SEMA3E: variants seen among roughly 807,000 people sequenced by gnomAD.
The protein encoded by SEMA3E is semaphorin-3E.
A neutral mutation model predicts 93.6 loss-of-function variants in SEMA3E; 49 were observed. The ratio of observed to expected loss-of-function variants is 0.52; its 90% CI spans 0.42 to 0.66. The LOEUF (loss-of-function observed/expected upper bound fraction) is 0.66. Ranked by LOEUF, SEMA3E falls within the 30% of genes least tolerant of loss-of-function variation. The probability of loss-of-function intolerance (pLI) is 0.00; values close to 1 mark genes in which losing one functional copy is unlikely to be tolerated. For missense variants in SEMA3E, 906 were observed against 964.8 expected, an observed-to-expected ratio of 0.94 and a Z score of 0.81; for synonymous variants, 363 against 330.7, an observed-to-expected ratio of 1.10 and a Z score of -1.06.
intron 2 of SEMA3E, among the ~76,000 whole-genome samples, chr7:83,472,545 A>G (rs377021245): frequency 5.9e-5 from 9 of 152,256 alleles, no homozygotes; most frequent in African/African-American, 7.2e-5. Context: ...ACCAGAATGA[A>G]AAAGCTCAGT....
At chr7:83,639,306 T>C (rs1562866147) in intron 1 of SEMA3E, among the ~76,000 whole-genome samples, 2 of 151,892 alleles carry the variant, frequency 1.3e-5, no homozygotes, top group Non-Finnish European at 2.9e-5. Context: ...AAGAAAATTA[T>C]AGTAACATCA....
At chr7:83,470,900 G>T (rs1297213170) in intron 2 of SEMA3E, among the ~76,000 whole-genome samples, 1 of 134,532 alleles carries the variant, frequency 7.4e-6, no homozygotes, top group Admixed American at 8.2e-5. Flanking sequence ...TGGAAAACAT[G>T]TTTATTAACA....
rs201988209 is a variant in SEMA3E, at chr7:83,619,780, GA to G, written c.115+28647del. Among the ~76,000 whole-genome samples, 9 of 148,872 alleles carry G rather than the reference GA, an allele frequency of 6.0e-5. No homozygotes were observed. In the East Asian group the frequency reaches 7.8e-4, roughly 13 times the overall value. On this transcript the variant is annotated intron_variant, in intron 1 of 16. Coordinates refer to ENST00000643230, the MANE Select transcript of SEMA3E (RefSeq NM_012431.3). The stretch of plus-strand genomic sequence containing the variant: ...AGACAAAATGAAAGTACATAAATTA[GA>G]AAAAAAAATGAGTGCTACTGTTGGA...
chr7:83,469,364 C>T (rs1028240183), intron 2 of SEMA3E, 62 bp from the exon 3 acceptor site: 11 of 1,166,612 alleles, frequency 9.4e-6, no homozygotes, highest in Middle Eastern at 2.0e-4. Flanking sequence ...ACACTGAAAA[C>T]CATTTCACTT....
intron 1 of SEMA3E, among the ~76,000 whole-genome samples, chr7:83,563,097 A>T (rs2115841221): frequency 6.6e-6 from 1 of 152,246 alleles, no homozygotes; most frequent in South Asian, 2.1e-4. Flanking sequence ...TCTGCCTCTC[A>T]GTTCAGATTC....
At chr7:83,615,533 G>T (rs1387785603) in intron 1 of SEMA3E, among the ~76,000 whole-genome samples, 1 of 152,090 alleles carries the variant, frequency 6.6e-6, no homozygotes, top group Non-Finnish European at 1.5e-5. Context: ...GGCTGGGGAA[G>T]AAAGATGTTT....
intron 1 of SEMA3E, among the ~76,000 whole-genome samples, chr7:83,511,745 A>T (rs768916604): frequency 6.6e-5 from 10 of 151,972 alleles, no homozygotes; most frequent in Non-Finnish European, 1.3e-4. Context: ...AAGAAAAAAA[A>T]TTGCCCAGGC....
In SEMA3E at chr7:83,368,193, ATCTCTC is replaced by A. The variant is rs5885346; in HGVS notation, c.1876-161_1876-156del. Reference sequence around the variant, plus strand: ...ATACACAAAAATGCTAAATAATTACATCTCTCTCTCTCTCTCTGTGTGTGTGTGTGT... The same window carrying A: ...ATACACAAAAATGCTAAATAATTACATCTCTCTCTCTGTGTGTGTGTGTGT... On this transcript the variant is annotated intron_variant, in intron 16 of 16. Transcript: ENST00000643230. Among the ~76,000 whole-genome samples, 8,746 of 147,726 alleles carry A rather than the reference ATCTCTC, an allele frequency of 0.059. 838 individuals carry two copies. The highest frequency in any genetic ancestry group is 0.2 in the African/African-American group (8,165 of 40,080).
chr7:83,611,005 A>C (rs1554344096), intron 1 of SEMA3E, among the ~76,000 whole-genome samples: 2 of 151,756 alleles, frequency 1.3e-5, no homozygotes, highest in Non-Finnish European at 2.9e-5. Context: ...GAGTTCCCCC[A>C]CCACCATCAA....
intron 1 of SEMA3E, among the ~76,000 whole-genome samples, chr7:83,591,421 A>G (rs1792755646): frequency 2.0e-5 from 3 of 151,754 alleles, no homozygotes; most frequent in South Asian, 4.1e-4. Flanking sequence ...ATAAAAGGTA[A>G]CATAAAATTT....
chr7:83,371,001 T>C (rs1049742525), intron 16 of SEMA3E, among the ~76,000 whole-genome samples: 1 of 152,270 alleles, frequency 6.6e-6, no homozygotes, highest in East Asian at 1.9e-4. Flanking sequence ...AATTGCTTAA[T>C]GTAGTGTTTC....
chr7:83,551,936 A>G (rs1056696930), intron 1 of SEMA3E, among the ~76,000 whole-genome samples: 5 of 151,622 alleles, frequency 3.3e-5, no homozygotes, highest in Non-Finnish European at 1.5e-5. Context: ...CCACTATTAG[A>G]CGCACTCTAA....
chr7:83,393,017 C>T lies in SEMA3E; in HGVS notation c.1501-296G>A, dbSNP rs574826572. Among the ~76,000 whole-genome samples the T allele has an allele frequency of 1.1e-4, 13 of 113,170 alleles. No individual in the cohort carries two copies. The East Asian group carries it at 1.7e-3, about 15-fold the overall frequency. 74.2% of individuals were successfully genotyped at this position (113,170 alleles called of 152,430 possible). A position where few individuals can be genotyped will look rare whatever the true frequency, so the allele number is the denominator to read the frequency against. On this transcript the variant is annotated intron_variant, in intron 13 of 16. Transcript: ENST00000643230. ...CTAGGATGTGGAGGTGGAACCTGGG[C>T]GACAAGAGAGAAACTCCATCTCAAA... is the stretch of plus-strand genomic sequence containing the variant.
intron 1 of SEMA3E, among the ~76,000 whole-genome samples, chr7:83,541,322 A>G (rs954290040): frequency 6.6e-6 from 1 of 152,202 alleles, no homozygotes; most frequent in Non-Finnish European, 1.5e-5. Context: ...TATTTTATCT[A>G]TAGCATTCAA....
chr7:83,624,610 G>T (rs1584372187), intron 1 of SEMA3E, among the ~76,000 whole-genome samples: 1 of 152,058 alleles, frequency 6.6e-6, no homozygotes, highest in Admixed American at 6.6e-5. Context: ...GTTCCTTCTA[G>T]ATTCTGGATG....
intron 4 of SEMA3E, among the ~76,000 whole-genome samples, chr7:83,432,004 A>G (rs1347865167): frequency 6.6e-6 from 1 of 151,138 alleles, no homozygotes; most frequent in East Asian, 2.0e-4. Context: ...CATGTTAAGA[A>G]GCTCAAAGCA....
At chr7:83,535,130 G>C (rs1791387842) in intron 1 of SEMA3E, among the ~76,000 whole-genome samples, 2 of 152,174 alleles carry the variant, frequency 1.3e-5, no homozygotes, top group Non-Finnish European at 2.9e-5. Context: ...GCCTAATTTT[G>C]AGTGTGAATC....
chr7:83,490,455 ATC>A (rs1327372010), intron 1 of SEMA3E, among the ~76,000 whole-genome samples, 181 bp from the exon 2 acceptor site: 1 of 152,102 alleles, frequency 6.6e-6, no homozygotes, highest in African/African-American at 2.4e-5. Flanking sequence ...AAATTTATGA[ATC>A]TAAAAACTTC....
intron 16 of SEMA3E, among the ~76,000 whole-genome samples, chr7:83,379,496 T>C (rs926177669): frequency 1.3e-5 from 2 of 151,980 alleles, no homozygotes; most frequent in Admixed American, 1.3e-4. Context: ...ACTAAATGAA[T>C]GCTAACTATA....
Sources: gnomAD v4.1 joint callset for allele counts (sites outside exome capture counted in the v4.1 genomes callset) on GRCh38, gnomAD v4.1.1 for gene constraint, MANE v1.5 for transcripts, NCBI Gene and HGNC (gene_info 2026-07-23, HGNC 2026-07-21) for gene names.